The following PDE1C variants were observed in gnomAD, a reference collection of about 807,000 sequenced individuals.
The protein encoded by PDE1C is phosphodiesterase 1C.
A neutral mutation model predicts 93.1 loss-of-function variants in PDE1C; 62 were observed. That is an observed-to-expected ratio of 0.67 (90% CI 0.54 to 0.82). The LOEUF is 0.82. Among genes scored for constraint, PDE1C ranks in the 40% least tolerant of loss-of-function variants. The pLI, the probability that PDE1C is intolerant of heterozygous loss-of-function variation, is 0.00. For missense variants in PDE1C, 742 were observed against 884.6 expected, an observed-to-expected ratio of 0.84 and a Z score of 2.04; for synonymous variants, 325 against 310.1, an observed-to-expected ratio of 1.05 and a Z score of -0.50.
the PDE1C span, among the ~76,000 whole-genome samples, chr7:31,672,856 C>T: frequency 6.6e-6 from 1 of 152,154 alleles, no homozygotes; most frequent in Non-Finnish European, 1.5e-5. Context: ...ATGGAGAGAC[C>T]TGGTGGGAAG....
intron 2 of PDE1C, among the ~76,000 whole-genome samples, chr7:32,189,209 T>C (rs1446896576): frequency 2.6e-5 from 4 of 152,168 alleles, no homozygotes; most frequent in African/African-American, 9.6e-5. Context: ...AGAGTAAAGA[T>C]GTACAAAAGA....
intron 2 of PDE1C, among the ~76,000 whole-genome samples, chr7:31,898,132 A>G (rs1799542935): frequency 1.3e-5 from 2 of 152,200 alleles, no homozygotes; most frequent in Admixed American, 1.3e-4. Flanking sequence ...AATAATTGAA[A>G]TAAGTATTTC....
chr7:31,970,121 A>C (rs1563121746), intron 2 of PDE1C, among the ~76,000 whole-genome samples: 1 of 152,186 alleles, frequency 6.6e-6, no homozygotes, highest in South Asian at 2.1e-4. Context: ...GTGCACATGT[A>C]CCCTAAAACT....
At chr7:31,729,556 G>T in the PDE1C span, among the ~76,000 whole-genome samples, 2 of 152,170 alleles carry the variant, frequency 1.3e-5, no homozygotes, top group Non-Finnish European at 2.9e-5. Context: ...TGAATCTAAA[G>T]TACCTAGTAG....
At chr7:31,696,988 A>G in the PDE1C span, 151 of 1,613,980 alleles carry the variant, frequency 9.4e-5, no homozygotes, top group Admixed American at 4.7e-4. Flanking sequence ...ACATTTAATT[A>G]AAAGATACGA....
intron 1 of PDE1C, among the ~76,000 whole-genome samples, chr7:32,058,775 CTT>C (rs1794438995): frequency 1.3e-5 from 2 of 152,202 alleles, no homozygotes; most frequent in South Asian, 4.2e-4. Flanking sequence ...CTGGTGGTCT[CTT>C]GACACCTTCC....
At chr7:32,158,580 C>T (rs150985117) in intron 3 of PDE1C, among the ~76,000 whole-genome samples, 80 of 152,210 alleles carry the variant, frequency 5.3e-4, no homozygotes, top group Non-Finnish European at 8.8e-4. Flanking sequence ...AAGTTTCTTC[C>T]CAAAATTGTC....
chr7:32,281,211 C>T (rs1228900503), intron 1 of PDE1C, among the ~76,000 whole-genome samples: 1 of 151,950 alleles, frequency 6.6e-6, no homozygotes, highest in Non-Finnish European at 1.5e-5. Flanking sequence ...AATATTGATG[C>T]ATATTTTCAA....
chr7:31,864,551 C>T (rs1795054736), intron 7 of PDE1C, among the ~76,000 whole-genome samples: 1 of 152,206 alleles, frequency 6.6e-6, no homozygotes, highest in South Asian at 2.1e-4. Context: ...CAAAAGCTAA[C>T]TTTGCGTAAC....
chr7:31,645,053 T>C, the PDE1C span, among the ~76,000 whole-genome samples: 16 of 152,198 alleles, frequency 1.1e-4, no homozygotes, highest in African/African-American at 3.9e-4. Flanking sequence ...TCCTCCTTTA[T>C]AGACAAGGAA....
the PDE1C span, among the ~76,000 whole-genome samples, chr7:31,624,458 A>AT: frequency 2.7e-5 from 3 of 111,908 alleles, no homozygotes; most frequent in Non-Finnish European, 3.7e-5. Flanking sequence ...AGCCCTCAGA[A>AT]ATAACGCCAC....
chr7:32,014,450 AAT>A (rs1255285679), intron 2 of PDE1C, among the ~76,000 whole-genome samples: 2 of 150,378 alleles, frequency 1.3e-5, no homozygotes, highest in East Asian at 2.0e-4. Context: ...GTCTTGAAGA[AAT>A]ATATGTCTTT....
chr7:32,407,826 G>C (rs1420936646), intron 1 of PDE1C, among the ~76,000 whole-genome samples: 1 of 152,068 alleles, frequency 6.6e-6, no homozygotes, highest in Non-Finnish European at 1.5e-5. Flanking sequence ...CCTTTGCCTG[G>C]ATCCCAGGCC....
At chr7:31,890,771 G>A (rs1798522856) in intron 2 of PDE1C, among the ~76,000 whole-genome samples, 1 of 151,848 alleles carries the variant, frequency 6.6e-6, no homozygotes. Flanking sequence ...ACAAGATGCT[G>A]AATTGGCACA....
intron 12 of PDE1C, among the ~76,000 whole-genome samples, chr7:31,827,871 T>C (rs1311913185): frequency 6.6e-6 from 1 of 152,124 alleles, no homozygotes; most frequent in Admixed American, 6.6e-5. Context: ...AAAAGATCCA[T>C]TCATGGAAGT....
At chr7:32,137,728 G>C (rs1800290614) in intron 3 of PDE1C, among the ~76,000 whole-genome samples, 1 of 152,152 alleles carries the variant, frequency 6.6e-6, no homozygotes, top group African/African-American at 2.4e-5. Context: ...AGTGCTTCCT[G>C]TCTGGAAGCA....
At chr7:31,674,062 G>A in the PDE1C span, among the ~76,000 whole-genome samples, 1 of 152,152 alleles carries the variant, frequency 6.6e-6, no homozygotes, top group Non-Finnish European at 1.5e-5. Flanking sequence ...GAACCATTCA[G>A]TGACTTTGCA....
chr7:31,969,121 G>C (rs1376484692), intron 2 of PDE1C, among the ~76,000 whole-genome samples: 3 of 152,122 alleles, frequency 2.0e-5, no homozygotes, highest in African/African-American at 4.8e-5. Context: ...AAAAGCCAAA[G>C]TTGACAAATG....
intron 2 of PDE1C, among the ~76,000 whole-genome samples, chr7:32,186,048 T>C (rs972242376): frequency 6.6e-6 from 1 of 152,072 alleles, no homozygotes; most frequent in Admixed American, 6.5e-5. Flanking sequence ...CTACTTTCAA[T>C]AGATTAGTCT....
Sources: allele counts gnomAD v4.1 joint callset (sites outside exome capture counted in the v4.1 genomes callset), GRCh38; gene constraint gnomAD v4.1.1; transcripts MANE v1.5; gene names NCBI Gene and HGNC (gene_info 2026-07-23, HGNC 2026-07-21).